The following PPP2R3A variants were observed in gnomAD, a reference collection of about 807,000 sequenced individuals.
PPP2R3A encodes serine/threonine-protein phosphatase 2A regulatory subunit B'' subunit alpha.
Under a neutral mutation model 106.9 loss-of-function variants are expected in PPP2R3A, and 80 were observed. The observed-to-expected ratio is 0.75, with a 90% CI of 0.62 to 0.90. PPP2R3A has a LOEUF of 0.90. PPP2R3A is among the 40% of genes least tolerant of loss of function. PPP2R3A has a pLI of 0.00. For missense variants in PPP2R3A, 1,386 were observed against 1,350.4 expected (o/e 1.03, Z -0.41); for synonymous variants, 483 against 468.3 (o/e 1.03, Z -0.41).
At chr3:136,108,942 G>C (rs1937556876) in intron 13 of PPP2R3A, among the ~76,000 whole-genome samples, 1 of 152,028 alleles carries the variant, frequency 6.6e-6, no homozygotes, top group Admixed American at 6.6e-5. Context: ...GTACCCAGGA[G>C]CTCTTCTTTA....
chr3:136,031,398 A>G (rs1934886403), intron 3 of PPP2R3A, among the ~76,000 whole-genome samples: 1 of 152,092 alleles, frequency 6.6e-6, no homozygotes, highest in South Asian at 2.1e-4. Flanking sequence ...TAGATTCTGG[A>G]TATTAGTCCT....
intron 1 of PPP2R3A, among the ~76,000 whole-genome samples, chr3:135,967,854 G>A (rs542427975): frequency 6.6e-6 from 1 of 152,292 alleles, no homozygotes; most frequent in Admixed American, 6.5e-5. Flanking sequence ...TTTAGGCCAG[G>A]TAATTTCTAG....
intron 3 of PPP2R3A, among the ~76,000 whole-genome samples, chr3:136,034,204 T>A (rs1173653310): frequency 1.3e-5 from 2 of 151,924 alleles, no homozygotes; most frequent in African/African-American, 4.8e-5. Context: ...CCCAGCTAAT[T>A]TTTGTATTTT....
At chr3:136,128,942 C>T (rs1938292750) in intron 13 of PPP2R3A, among the ~76,000 whole-genome samples, 1 of 152,088 alleles carries the variant, frequency 6.6e-6, no homozygotes, top group Admixed American at 6.6e-5. Context: ...GAAATGAAGG[C>T]AGAAATAAAG....
intron 2 of PPP2R3A, chr3:136,022,675 A>T (rs1166094988): frequency 1.3e-6 from 1 of 765,872 alleles, no homozygotes; most frequent in African/African-American, 1.9e-5. Context: ...CTGAGAAGGT[A>T]CTATTTTTAG....
chr3:136,125,932 A>AGT (rs1938163341), intron 13 of PPP2R3A, among the ~76,000 whole-genome samples: 1 of 152,190 alleles, frequency 6.6e-6, no homozygotes, highest in African/African-American at 2.4e-5. Context: ...TTCTCACCCA[A>AGT]GTAAGGATAG....
intron 3 of PPP2R3A, among the ~76,000 whole-genome samples, chr3:136,032,368 G>A (rs1028936961): frequency 6.6e-6 from 1 of 151,998 alleles, no homozygotes; most frequent in African/African-American, 2.4e-5. Context: ...ACTGATTCGT[G>A]TACATTAATT....
intron 13 of PPP2R3A, among the ~76,000 whole-genome samples, chr3:136,129,113 A>G (rs1337059263): frequency 1.3e-5 from 2 of 152,166 alleles, no homozygotes; most frequent in African/African-American, 4.8e-5. Context: ...AAAGAACTAG[A>G]GAAGCAAGAG....
At position 136,052,102 on chromosome 3, in the gene PPP2R3A, G is replaced by A. The variant is rs534841089; in HGVS notation, c.2469+2741G>A. ...CCAACATTAAATATTCCTATGTTTTGTGAAATCTCAAATCTTCAATATTTG... is the reference window on the plus strand; with the variant it reads ...CCAACATTAAATATTCCTATGTTTTATGAAATCTCAAATCTTCAATATTTG... On this transcript the variant is annotated intron_variant, in intron 5 of 13. Coordinates refer to ENST00000264977, the MANE Select transcript of PPP2R3A (RefSeq NM_002718.5). Among the ~76,000 whole-genome samples, 9 of 152,208 alleles carry A rather than the reference G, an allele frequency of 5.9e-5. No homozygotes were observed. In the South Asian group the frequency reaches 1.0e-3, roughly 18 times the overall value.
intron 4 of PPP2R3A, among the ~76,000 whole-genome samples, chr3:136,043,554 C>T (rs1935370294): frequency 6.6e-6 from 1 of 152,186 alleles, no homozygotes; most frequent in African/African-American, 2.4e-5. Context: ...CTCTGTTCCA[C>T]TTCCTTTCCC....
intron 2 of PPP2R3A, among the ~76,000 whole-genome samples, chr3:136,007,672 C>A (rs1206163210): frequency 6.6e-6 from 1 of 152,150 alleles, no homozygotes; most frequent in African/African-American, 2.4e-5. Flanking sequence ...ACCATTGTTC[C>A]CACAGGCTTT....
chr3:136,074,719 A>G (rs1936542884), intron 6 of PPP2R3A, among the ~76,000 whole-genome samples: 1 of 152,182 alleles, frequency 6.6e-6, no homozygotes. Context: ...ATTGGCCAGA[A>G]TCCACCACTG....
chr3:135,967,463 A>C (rs1937120529), intron 1 of PPP2R3A, among the ~76,000 whole-genome samples: 1 of 152,210 alleles, frequency 6.6e-6, no homozygotes, highest in South Asian at 2.1e-4. Flanking sequence ...GGCTGAATTA[A>C]TTTGGCCTTA....
intron 5 of PPP2R3A, among the ~76,000 whole-genome samples, chr3:136,065,565 G>T (rs1056927131): frequency 3.3e-5 from 5 of 151,904 alleles, no homozygotes; most frequent in Admixed American, 2.6e-4. Context: ...AGAAGGCAGA[G>T]AATAAAAAAC....
intron 7 of PPP2R3A, among the ~76,000 whole-genome samples, 165 bp from the exon 8 acceptor site, chr3:136,082,100 G>C (rs970122166): frequency 6.6e-6 from 1 of 152,110 alleles, no homozygotes; most frequent in Non-Finnish European, 1.5e-5. Flanking sequence ...CTTATAGATT[G>C]ATTGGTTGAT....
chr3:136,125,865 G>GA lies in PPP2R3A; in HGVS notation c.3330-19172dup, dbSNP rs1443853914. On this transcript the variant is annotated intron_variant, in intron 13 of 13. Coordinates refer to ENST00000264977, the MANE Select transcript of PPP2R3A (RefSeq NM_002718.5). ...TCAATGTAATACAACCATATTAATA[G>GA]AAAAAATGACAAAAAGCACATTATC... 2.6e-5 allele frequency among the ~76,000 whole-genome samples: 4 copies of GA among 152,026 alleles called. No homozygotes were observed. The East Asian group carries it at 5.8e-4, about 22-fold the overall frequency.
chr3:136,023,230 T>C, intron 2 of PPP2R3A: 2 of 1,553,612 alleles, frequency 1.3e-6, no homozygotes, highest in Non-Finnish European at 1.8e-6. Context: ...TTGTTTTGTT[T>C]TGTTTTGTTT....
rs1476123607 is a variant in PPP2R3A, at chr3:136,090,507, T to C, written c.2838-71T>C. On this transcript the variant is annotated intron_variant, in intron 9 of 13. Transcript: ENST00000264977. ...TTTAACTGACATACTACTTTATTTC[T>C]TAGCCTATCATCCTGATAAATGGTT... 6 of 1,287,198 alleles carry C rather than the reference T, an allele frequency of 4.7e-6. No individual in the cohort carries two copies. The Admixed American group carries it at 5.6e-5, about 12-fold the overall frequency. 79.7% of individuals were successfully genotyped at this position (1,287,198 alleles called of 1,614,324 possible). A position where few individuals can be genotyped will look rare whatever the true frequency, so the allele number is the denominator to read the frequency against.
intron 5 of PPP2R3A, among the ~76,000 whole-genome samples, chr3:136,068,785 G>A (rs918877190): frequency 6.6e-6 from 1 of 150,550 alleles, no homozygotes; most frequent in Admixed American, 6.6e-5. Context: ...AGTGGAGAAC[G>A]CAGCAGACAC....
Sources: allele counts gnomAD v4.1 joint callset (sites outside exome capture counted in the v4.1 genomes callset), GRCh38; gene constraint gnomAD v4.1.1; transcripts MANE v1.5; gene names NCBI Gene and HGNC (gene_info 2026-07-23, HGNC 2026-07-21).